NBAS: variants seen among roughly 807,000 people sequenced by gnomAD.
The protein encoded by NBAS is NAG/BC035112 fusion.
Under a neutral mutation model 302.5 loss-of-function variants are expected in NBAS, and 219 were observed. The observed-to-expected ratio is 0.72, with a 90% CI of 0.65 to 0.81. The LOEUF (loss-of-function observed/expected upper bound fraction) is 0.81. Ranked by LOEUF, NBAS falls within the 30% of genes least tolerant of loss-of-function variation. The pLI, the probability that NBAS is intolerant of heterozygous loss-of-function variation, is 0.00. For missense variants in NBAS, 2,932 were observed against 2,841.6 expected, an observed-to-expected ratio of 1.03 and a Z score of -0.72; for synonymous variants, 1,118 against 1,021.6, an observed-to-expected ratio of 1.09 and a Z score of -1.80.
At chr2:14,994,264 G>A in the NBAS span, among the ~76,000 whole-genome samples, 1 of 152,218 alleles carries the variant, frequency 6.6e-6, no homozygotes, top group Admixed American at 6.5e-5. Context: ...CATTTCAGAT[G>A]TACCTTGAAA....
chr2:15,307,483 T>C (rs1330688217), intron 40 of NBAS, among the ~76,000 whole-genome samples: 1 of 152,216 alleles, frequency 6.6e-6, no homozygotes, highest in Non-Finnish European at 1.5e-5. Flanking sequence ...ATCTGGACCT[T>C]GGATTTATGT....
At chr2:15,370,143 A>C (rs1674413992) in intron 31 of NBAS, among the ~76,000 whole-genome samples, 1 of 152,202 alleles carries the variant, frequency 6.6e-6, no homozygotes, top group Non-Finnish European at 1.5e-5. Context: ...CCACTGTTAC[A>C]AATGCAGGTT....
At chr2:15,517,418 G>A (rs1010694729) in intron 9 of NBAS, among the ~76,000 whole-genome samples, 18 of 152,158 alleles carry the variant, frequency 1.2e-4, no homozygotes, top group Admixed American at 7.9e-4. Context: ...ATATTGGAAG[G>A]TCACACACCA....
intron 25 of NBAS, among the ~76,000 whole-genome samples, chr2:15,410,531 GA>G (rs1676631610): frequency 6.6e-6 from 1 of 152,086 alleles, no homozygotes; most frequent in South Asian, 2.1e-4. Flanking sequence ...ATCTAAGAAA[GA>G]AAAAGTCAAC....
Position 15,482,232 on chromosome 2 carries a change from G to A in NBAS, c.1084-3943C>T, listed in dbSNP as rs573686351. Among the ~76,000 whole-genome samples, 13 of 152,282 alleles carry A rather than the reference G, an allele frequency of 8.5e-5. No individual in the cohort carries two copies. The South Asian group carries it at 2.7e-3, about 32-fold the overall frequency. On this transcript the variant is annotated intron_variant, in intron 12 of 51. Transcript: ENST00000281513. ...TACAACCTCGACCTCCTGGGCTCAA[G>A]TGATCTTCCCGACTCAGCCTCCCGA...
At chr2:15,148,772 A>T in the NBAS span, among the ~76,000 whole-genome samples, 5 of 152,192 alleles carry the variant, frequency 3.3e-5, no homozygotes, top group South Asian at 2.1e-4. Flanking sequence ...TAAAACAATA[A>T]GGCTTTCTTG....
chr2:15,388,297 T>C (rs1231543374), intron 28 of NBAS, among the ~76,000 whole-genome samples: 1 of 152,232 alleles, frequency 6.6e-6, no homozygotes, highest in Admixed American at 6.5e-5. Flanking sequence ...TCATTAGTCC[T>C]GCACATCTCA....
At chr2:15,377,286 G>A (rs1674789541) in intron 30 of NBAS, among the ~76,000 whole-genome samples, 1 of 152,130 alleles carries the variant, frequency 6.6e-6, no homozygotes, top group Admixed American at 6.6e-5. Context: ...AAATGAAGCT[G>A]TTCAACAGAC....
At chr2:15,213,038 G>C (rs1666490922) in intron 48 of NBAS, among the ~76,000 whole-genome samples, 1 of 152,204 alleles carries the variant, frequency 6.6e-6, no homozygotes, top group Admixed American at 6.5e-5. Flanking sequence ...ATTGGGACCA[G>C]AATTAGAGCT....
the NBAS span, among the ~76,000 whole-genome samples, chr2:15,064,432 C>T: frequency 6.6e-6 from 1 of 151,714 alleles, no homozygotes. Context: ...TGTATAAATT[C>T]TTAGAAACAT....
At chr2:15,390,891 G>A (rs1675559942) in intron 28 of NBAS, among the ~76,000 whole-genome samples, 1 of 152,070 alleles carries the variant, frequency 6.6e-6, no homozygotes, top group Non-Finnish European at 1.5e-5. Flanking sequence ...GAGGCAGGTG[G>A]ATCACCAGGT....
chr2:14,862,054 A>T, the NBAS span, among the ~76,000 whole-genome samples: 1 of 152,220 alleles, frequency 6.6e-6, no homozygotes, highest in South Asian at 2.1e-4. Context: ...ACACAACTCA[A>T]GAAGGGAATC....
chr2:14,791,193 G>A, the NBAS span, among the ~76,000 whole-genome samples: 1 of 151,934 alleles, frequency 6.6e-6, no homozygotes, highest in Non-Finnish European at 1.5e-5. Flanking sequence ...GTTTCTCCGT[G>A]TTGGTCAGGC....
chr2:15,063,451 A>G, the NBAS span, among the ~76,000 whole-genome samples: 1 of 152,008 alleles, frequency 6.6e-6, no homozygotes, highest in Non-Finnish European at 1.5e-5. Context: ...CTCCTGGAGG[A>G]TGGACAGAAT....
intron 35 of NBAS, among the ~76,000 whole-genome samples, chr2:15,347,328 C>T (rs562271148): frequency 2.2e-4 from 33 of 152,192 alleles, no homozygotes; most frequent in Admixed American, 1.9e-3. Context: ...AACATATTTC[C>T]ATACAAAGAC....
At chr2:15,533,679 CGTGT>C (rs59222907) in intron 9 of NBAS, among the ~76,000 whole-genome samples, 15,084 of 143,698 alleles carry the variant, frequency 0.1, 844 homozygotes, top group East Asian at 0.16. Context: ...GGGGGGTGTG[CGTGT>C]GTGTGTGTGT....
At chr2:15,419,335 ATGTGTGTG>A (rs55830610) in intron 23 of NBAS, among the ~76,000 whole-genome samples, 118 of 150,040 alleles carry the variant, frequency 7.9e-4, no homozygotes, top group African/African-American at 2.3e-3. Context: ...ATACATATAT[ATGTGTGTG>A]TGTGTGTGTG....
At position 15,218,935 on chromosome 2, in the gene NBAS, C is replaced by A; in HGVS notation, c.6270G>T (p.Glu2090Asp). The A allele has an allele frequency of 6.2e-7, 1 of 1,614,258 alleles. No homozygotes were observed. The highest frequency in any genetic ancestry group is 8.5e-7 in the Non-Finnish European group (1 of 1,180,042). The change falls in exon 48 of 52, where the codon GAG (glutamate) becomes GAT (aspartate). Residue 2090 changes from glutamate to aspartate, a missense_variant. Glu to Asp is a conservative substitution (Grantham distance 45). Transcript: ENST00000281513. ...CATCAGCACAGAAAGGCCGCAGCCA[C>A]TCCAGCAGGTCCTCAGGTGAAACCA... is the stretch of plus-strand genomic sequence containing the variant. Reference protein sequence around the residue: ...EELVSPEDLLEWLRPFCADDA... With the variant: ...EELVSPEDLLDWLRPFCADDA...
At chr2:14,968,289 T>A in the NBAS span, among the ~76,000 whole-genome samples, 2 of 152,168 alleles carry the variant, frequency 1.3e-5, no homozygotes, top group Non-Finnish European at 2.9e-5. Context: ...AAGAACCCAA[T>A]TTAAAAGTTG....
Sources: allele counts gnomAD v4.1 joint callset (sites outside exome capture counted in the v4.1 genomes callset), GRCh38; gene constraint gnomAD v4.1.1; transcripts MANE v1.5; gene names NCBI Gene and HGNC (gene_info 2026-07-23, HGNC 2026-07-21).